The following HS6ST1 variants were observed in gnomAD, a reference collection of about 807,000 sequenced individuals.
HS6ST1 encodes the protein heparan-sulfate 6-O-sulfotransferase 1.
HS6ST1 carries 3 observed loss-of-function variants against 25.2 expected under a neutral mutation model. That is an observed-to-expected ratio of 0.12 (90% CI 0.05 to 0.31). The LOEUF (loss-of-function observed/expected upper bound fraction) is 0.31. Ranked by LOEUF, HS6ST1 falls within the 10% of genes least tolerant of loss-of-function variation. HS6ST1 has a pLI of 1.00. For missense variants in HS6ST1, 310 were observed against 609.6 expected (o/e 0.51, Z 5.18); for synonymous variants, 204 against 275.1 (o/e 0.74, Z 2.56).
intron 1 of HS6ST1, among the ~76,000 whole-genome samples, chr2:128,270,214 G>A (rs1336406632): frequency 6.6e-6 from 1 of 152,210 alleles, no homozygotes; most frequent in East Asian, 1.9e-4. Context: ...GGCCTGGCAG[G>A]CTCAGACCCT....
chr2:128,290,265 C>G (rs1004862928), intron 1 of HS6ST1: 1 of 151,892 alleles, frequency 6.6e-6, no homozygotes, highest in Non-Finnish European at 1.5e-5. Flanking sequence ...GCTATTTCTA[C>G]CAAATTTTAA....
intron 1 of HS6ST1, among the ~76,000 whole-genome samples, chr2:128,294,890 G>A (rs1694017822): frequency 6.6e-6 from 1 of 152,108 alleles, no homozygotes; most frequent in Non-Finnish European, 1.5e-5. Flanking sequence ...CATGGACACA[G>A]CCCTAGCACC....
intron 1 of HS6ST1, among the ~76,000 whole-genome samples, chr2:128,303,050 G>A (rs1226510721): frequency 1.3e-5 from 2 of 152,204 alleles, no homozygotes; most frequent in South Asian, 2.1e-4. Context: ...CTAAACCCCA[G>A]GAGCCAGGCC....
At chr2:128,277,444 G>A (rs192603020) in intron 1 of HS6ST1, among the ~76,000 whole-genome samples, 6 of 152,338 alleles carry the variant, frequency 3.9e-5, no homozygotes, top group Admixed American at 3.3e-4. Context: ...GACCCTGTCT[G>A]CACCACTGGC....
chr2:128,279,571 C>T (rs922168483), intron 1 of HS6ST1, among the ~76,000 whole-genome samples: 3 of 151,946 alleles, frequency 2.0e-5, no homozygotes, highest in Admixed American at 6.6e-5. Context: ...ACCAGGGGTC[C>T]CACCATGAGG....
intron 1 of HS6ST1, among the ~76,000 whole-genome samples, chr2:128,282,189 C>T (rs1355638589): frequency 6.6e-6 from 1 of 152,216 alleles, no homozygotes; most frequent in Admixed American, 6.5e-5. Context: ...AGCCCGTTTC[C>T]TTAGAGCACA....
At chr2:128,270,286 C>A (rs1482601596) in intron 1 of HS6ST1, among the ~76,000 whole-genome samples, 2 of 152,208 alleles carry the variant, frequency 1.3e-5, no homozygotes, top group Non-Finnish European at 2.9e-5. Flanking sequence ...GAGCTGACGA[C>A]CCCAGGGTCA....
chr2:128,299,856 G>A (rs997360630), intron 1 of HS6ST1, among the ~76,000 whole-genome samples: 4 of 152,196 alleles, frequency 2.6e-5, no homozygotes, highest in Admixed American at 2.6e-4. Flanking sequence ...GAGGGCAGCA[G>A]ACCCCTGGGC....
chr2:128,275,036 G>A (rs1381318261), intron 1 of HS6ST1, among the ~76,000 whole-genome samples: 2 of 150,534 alleles, frequency 1.3e-5, no homozygotes, highest in Non-Finnish European at 2.9e-5. Context: ...ACACAACTGA[G>A]CATTTGGTGG....
intron 1 of HS6ST1, among the ~76,000 whole-genome samples, chr2:128,295,991 G>A (rs1694035415): frequency 6.6e-6 from 1 of 152,170 alleles, no homozygotes; most frequent in Non-Finnish European, 1.5e-5. Context: ...AGGTCATGAG[G>A]GTGGAGCCAT....
chr2:128,272,025 C>T (rs1039837024), intron 1 of HS6ST1, among the ~76,000 whole-genome samples: 1 of 152,220 alleles, frequency 6.6e-6, no homozygotes, highest in Non-Finnish European at 1.5e-5. Context: ...GGCCCCTGGC[C>T]ACCTGAAGGC....
At chr2:128,313,142 A>G (rs1397609175) in intron 1 of HS6ST1, among the ~76,000 whole-genome samples, 1 of 152,230 alleles carries the variant, frequency 6.6e-6, no homozygotes, top group Non-Finnish European at 1.5e-5. Flanking sequence ...AGGTGGGAGC[A>G]TACCAGGAGT....
At chr2:128,269,781 T>C (rs1280051722) in intron 1 of HS6ST1, among the ~76,000 whole-genome samples, 1 of 152,052 alleles carries the variant, frequency 6.6e-6, no homozygotes, top group African/African-American at 2.4e-5. Context: ...ACAGGGCCCC[T>C]CACTGCCCGG....
At chr2:128,286,496 G>A (rs1228888879) in intron 1 of HS6ST1, among the ~76,000 whole-genome samples, 1 of 152,338 alleles carries the variant, frequency 6.6e-6, no homozygotes, top group Non-Finnish European at 1.5e-5. Flanking sequence ...GCAGAGGACA[G>A]GCAGGAGGCC....
chr2:128,273,797 G>A (rs1239111802), intron 1 of HS6ST1, among the ~76,000 whole-genome samples: 1 of 152,264 alleles, frequency 6.6e-6, no homozygotes, highest in Non-Finnish European at 1.5e-5. Context: ...GCGGGGTGGA[G>A]GTGTCAAACA....
At chr2:128,297,071 C>CA (rs926759768) in intron 1 of HS6ST1, among the ~76,000 whole-genome samples, 15 of 151,810 alleles carry the variant, frequency 9.9e-5, no homozygotes, top group East Asian at 1.9e-4. Context: ...CAAAAACAAA[C>CA]AAAAAAAACC....
At chr2:128,300,896 G>A (rs978665333) in intron 1 of HS6ST1, among the ~76,000 whole-genome samples, 5 of 152,252 alleles carry the variant, frequency 3.3e-5, no homozygotes, top group South Asian at 4.1e-4. Context: ...AGGGAGAGCC[G>A]CCACCGTGTG....
intron 1 of HS6ST1, among the ~76,000 whole-genome samples, chr2:128,304,063 C>A (rs552177520): frequency 6.6e-6 from 1 of 152,226 alleles, no homozygotes; most frequent in African/African-American, 2.4e-5. Context: ...GGACCTAACA[C>A]CACAGCCCCC....
Position 128,283,533 on chromosome 2 carries a change from C to T in HS6ST1, c.528-14663G>A, listed in dbSNP as rs964721108. On this transcript the variant is annotated intron_variant, in intron 1 of 1. Transcript: ENST00000259241. ...GAGGTGTCCATGGAGGAGGTGACCC[C>T]GGGCCAGGTCTCTCAGGTGAGGTGG... Among the ~76,000 whole-genome samples, 28 of 152,226 alleles carry T rather than the reference C, an allele frequency of 1.8e-4. 1 individual carries two copies. The highest frequency in any genetic ancestry group is 5.9e-5 in the Non-Finnish European group (4 of 68,032).
Sources: gnomAD v4.1 joint callset for allele counts (sites outside exome capture counted in the v4.1 genomes callset) on GRCh38, gnomAD v4.1.1 for gene constraint, MANE v1.5 for transcripts, NCBI Gene and HGNC (gene_info 2026-07-23, HGNC 2026-07-21) for gene names.